Variants in PTPRM observed in about 807,000 individuals in gnomAD.
The protein encoded by PTPRM is protein tyrosine phosphatase receptor type M.
In PTPRM, 47 loss-of-function variants were observed where a neutral mutation model predicts 186.7. The ratio of observed to expected loss-of-function variants is 0.25; its 90% CI spans 0.20 to 0.32. The LOEUF is 0.32. PTPRM is among the 10% of genes least tolerant of loss of function. PTPRM has a pLI of 1.00. For synonymous variants in PTPRM, 668 were observed against 674.9 expected (o/e 0.99, Z 0.16); for missense variants, 1,494 against 1,865.0 (o/e 0.80, Z 3.66).
chr18:8,357,436 G>A (rs1466342), intron 23 of PTPRM, among the ~76,000 whole-genome samples: 47,035 of 152,004 alleles, frequency 0.31, 7,369 homozygotes, highest in East Asian at 0.34. Context: ...CCCCCAATTT[G>A]TCAACTGCCA....
chr18:8,149,786 C>T (rs955797763), intron 14 of PTPRM, among the ~76,000 whole-genome samples: 12 of 152,066 alleles, frequency 7.9e-5, no homozygotes, highest in African/African-American at 1.5e-4. Context: ...TGGCTGGTAC[C>T]GGTTGTTCCT....
Position 7,998,384 on chromosome 18 carries a change from G to A in PTPRM, c.1132+42970G>A, listed in dbSNP as rs188845172. Among the ~76,000 whole-genome samples, 5 of 152,118 alleles carry A rather than the reference G, an allele frequency of 3.3e-5. No homozygotes were observed. The East Asian group carries it at 9.7e-4, about 29-fold the overall frequency. On this transcript the variant is annotated intron_variant, in intron 7 of 32. Transcript: ENST00000580170. Reference sequence around the variant, plus strand: ...GGTTACCAGAGACTGAGAAGGGTAAGGGGTTGGAAGCCCCAATTACCCTGA... The same window carrying A: ...GGTTACCAGAGACTGAGAAGGGTAAAGGGTTGGAAGCCCCAATTACCCTGA...
At chr18:7,686,264 A>G (rs2039600379) in intron 1 of PTPRM, among the ~76,000 whole-genome samples, 1 of 152,226 alleles carries the variant, frequency 6.6e-6, no homozygotes. Context: ...GAGAATGAAT[A>G]GATGCTGGGG....
chr18:7,640,692 A>G (rs1258666798), intron 1 of PTPRM, among the ~76,000 whole-genome samples: 1 of 152,086 alleles, frequency 6.6e-6, no homozygotes, highest in Non-Finnish European at 1.5e-5. Context: ...AAAGGAAATA[A>G]ACTCACCTAG....
At chr18:7,697,992 G>A (rs952660729) in intron 1 of PTPRM, among the ~76,000 whole-genome samples, 1 of 152,258 alleles carries the variant, frequency 6.6e-6, no homozygotes, top group African/African-American at 2.4e-5. Context: ...AGTTTGATGT[G>A]TTAACAGAAG....
chr18:7,985,067 GTATATACATATATAAA>G (rs1229613908), intron 7 of PTPRM, among the ~76,000 whole-genome samples: 2 of 106,484 alleles, frequency 1.9e-5, no homozygotes, highest in African/African-American at 3.6e-5. Context: ...ACATATAATT[GTATATACATATATAAA>G]TATATACATA....
intron 22 of PTPRM, among the ~76,000 whole-genome samples, chr18:8,342,626 A>G (rs771871721): frequency 6.6e-6 from 1 of 152,230 alleles, no homozygotes; most frequent in African/African-American, 2.4e-5. Context: ...TACATGTCTT[A>G]TAAAGATTTC....
intron 14 of PTPRM, among the ~76,000 whole-genome samples, chr18:8,215,870 G>T (rs1024106492): frequency 2.0e-5 from 3 of 152,104 alleles, no homozygotes; most frequent in African/African-American, 7.2e-5. Flanking sequence ...GGTTCCTTGA[G>T]ATGCAGAGTA....
intron 20 of PTPRM, among the ~76,000 whole-genome samples, chr18:8,302,322 G>A (rs942020090): frequency 2.6e-5 from 4 of 152,096 alleles, no homozygotes; most frequent in Non-Finnish European, 2.9e-5. Flanking sequence ...CTGTCATGCC[G>A]GGGAGCCCCT....
chr18:8,134,626 A>T (rs1161074432), intron 13 of PTPRM, among the ~76,000 whole-genome samples: 1 of 152,130 alleles, frequency 6.6e-6, no homozygotes, highest in Non-Finnish European at 1.5e-5. Context: ...TCATATTACC[A>T]GATCTTTCTT....
chr18:8,302,247 C>T (rs1175566886), intron 20 of PTPRM, among the ~76,000 whole-genome samples: 2 of 152,142 alleles, frequency 1.3e-5, no homozygotes, highest in South Asian at 4.2e-4. Context: ...TGGAAAACAA[C>T]TGAACAAGAG....
intron 14 of PTPRM, among the ~76,000 whole-genome samples, chr18:8,164,914 C>T (rs2146381328): frequency 6.6e-6 from 1 of 152,124 alleles, no homozygotes; most frequent in South Asian, 2.1e-4. Context: ...TGCCTAATCC[C>T]AGCACTTTGG....
Position 7,782,642 on chromosome 18 carries a change from A to G in PTPRM, c.196+8371A>G, listed in dbSNP as rs546937421. Among the ~76,000 whole-genome samples the G allele has an allele frequency of 3.3e-5, 5 of 152,226 alleles. No homozygotes were observed. The East Asian group carries it at 9.7e-4, about 29-fold the overall frequency. ...AACCACTGTTCCACTTTCTGTCTCT[A>G]TGAATTTGGCCACTCTAGGTAGCTT... On this transcript the variant is annotated intron_variant, in intron 2 of 32. Transcript: ENST00000580170.
intron 22 of PTPRM, among the ~76,000 whole-genome samples, chr18:8,338,790 T>C (rs371304475): frequency 6.6e-6 from 1 of 152,338 alleles, no homozygotes; most frequent in East Asian, 1.9e-4. Flanking sequence ...TTTGTACTTA[T>C]ATTATCTTTC....
intron 1 of PTPRM, among the ~76,000 whole-genome samples, chr18:7,628,327 A>T: frequency 6.6e-6 from 1 of 152,240 alleles, no homozygotes; most frequent in Non-Finnish European, 1.5e-5. Flanking sequence ...TAAGTAGCTT[A>T]ATGATTCTAC....
rs559557008 is a variant in PTPRM at position 8,016,911 on chromosome 18, G to A, written c.1133-52775G>A. Among the ~76,000 whole-genome samples the A allele has an allele frequency of 5.9e-5, 9 of 152,258 alleles. No homozygotes were observed. The East Asian group carries it at 1.7e-3, about 29-fold the overall frequency. ...TCTCTTCATTTTCTTTCATCTACAT[G>A]GCTGACCAATATTCACGCATTAATA... On this transcript the variant is annotated intron_variant, in intron 7 of 32. Transcript: ENST00000580170.
chr18:7,861,284 A>G (rs543253035), intron 2 of PTPRM, among the ~76,000 whole-genome samples: 115 of 152,276 alleles, frequency 7.6e-4, no homozygotes, highest in Admixed American at 1.4e-3. Flanking sequence ...TAAAAAAATT[A>G]TGGTTTGTGC....
In PTPRM at chr18:8,289,565, T is replaced by TATATATATATACAC. The variant is rs2095013283; in HGVS notation, c.2755-6790_2755-6789insCATATATATATACA. ...ATATATATATACATATATATACACATATATATATATACATATATATATACA... is the reference window on the plus strand; with the variant it reads ...ATATATATATACATATATATACACATATATATATATACACATATATATATACATATATATATACA... On this transcript the variant is annotated intron_variant, in intron 19 of 32. Transcript: ENST00000580170. 2.1e-5 allele frequency among the ~76,000 whole-genome samples: 2 copies of TATATATATATACAC among 96,608 alleles called. 1 individual carries two copies. The highest frequency in any genetic ancestry group is 2.0e-4 in the Admixed American group (2 of 10,108). 63.4% of individuals were successfully genotyped at this position (96,608 alleles called of 152,430 possible). A position where few individuals can be genotyped will look rare whatever the true frequency, so the allele number is the denominator to read the frequency against.
At chr18:8,051,869 G>C (rs1035559708) in intron 7 of PTPRM, among the ~76,000 whole-genome samples, 1 of 152,150 alleles carries the variant, frequency 6.6e-6, no homozygotes, top group Non-Finnish European at 1.5e-5. Flanking sequence ...TTTAGATGCA[G>C]CATGAAATGT....
Sources: allele counts gnomAD v4.1 joint callset (sites outside exome capture counted in the v4.1 genomes callset), GRCh38; gene constraint gnomAD v4.1.1; transcripts MANE v1.5; gene names NCBI Gene and HGNC (gene_info 2026-07-23, HGNC 2026-07-21).